The following PRKD1 variants were observed in gnomAD, a reference collection of about 807,000 sequenced individuals.
PRKD1 encodes serine/threonine-protein kinase D1.
In PRKD1, 63 loss-of-function variants were observed where a neutral mutation model predicts 95.9. That is an observed-to-expected ratio of 0.66 (90% CI 0.54 to 0.81). The LOEUF (loss-of-function observed/expected upper bound fraction) is 0.81. PRKD1 is among the 30% of genes least tolerant of loss of function. The pLI is 0.00. For synonymous variants in PRKD1, 425 were observed against 423.1 expected (o/e 1.00, Z -0.05); for missense variants, 1,048 against 1,165.3 (o/e 0.90, Z 1.47).
chr14:29,879,077 C>A (rs544677518), intron 1 of PRKD1, among the ~76,000 whole-genome samples: 26 of 152,268 alleles, frequency 1.7e-4, no homozygotes, highest in African/African-American at 6.3e-4. Flanking sequence ...TCTAGCTCAG[C>A]ACCCACCTTC....
intron 2 of PRKD1, among the ~76,000 whole-genome samples, chr14:29,683,389 G>A (rs931993419): frequency 2.0e-5 from 3 of 152,178 alleles, no homozygotes; most frequent in East Asian, 1.9e-4. Flanking sequence ...GGAATGATGG[G>A]TTCTGTTCTA....
chr14:29,751,993 C>T (rs1481162262), intron 1 of PRKD1, among the ~76,000 whole-genome samples: 9 of 152,138 alleles, frequency 5.9e-5, no homozygotes, highest in Non-Finnish European at 1.2e-4. Flanking sequence ...CACTTATGAA[C>T]ATTTGAAGTT....
intron 1 of PRKD1, among the ~76,000 whole-genome samples, chr14:29,746,595 C>T (rs186995255): frequency 1.9e-3 from 289 of 151,966 alleles, no homozygotes; most frequent in Admixed American, 3.1e-3. Context: ...ACTTGGGGAG[C>T]GACTGTGTGT....
chr14:29,722,119 A>G (rs1329540075), intron 2 of PRKD1, among the ~76,000 whole-genome samples: 1 of 152,206 alleles, frequency 6.6e-6, no homozygotes, highest in Non-Finnish European at 1.5e-5. Context: ...GTCCTGTGTC[A>G]GAAAATGTTC....
At chr14:29,924,181 T>C (rs1895218936) in intron 1 of PRKD1, among the ~76,000 whole-genome samples, 1 of 152,174 alleles carries the variant, frequency 6.6e-6, no homozygotes, top group African/African-American at 2.4e-5. Flanking sequence ...TATATAGCCA[T>C]ACATTGTTAC....
At position 29,872,109 on chromosome 14, in the gene PRKD1, T is replaced by C. The variant is rs1349565571; in HGVS notation, c.264+55140A>G. Among the ~76,000 whole-genome samples the C allele has an allele frequency of 1.3e-5, 2 of 152,172 alleles. 1 individual carries two copies. Among genetic ancestry groups the C allele is most frequent in the East Asian group, 3.9e-4 (2 of 5,190 alleles). On this transcript the variant is annotated intron_variant, in intron 1 of 17. Coordinates refer to ENST00000331968, the MANE Select transcript of PRKD1 (RefSeq NM_002742.3). The stretch of plus-strand genomic sequence containing the variant: ...TTTATATGCCTGGAACTGAGCTATA[T>C]AATCACCTCTGCTAAACTGTTAGAT...
chr14:29,600,002 C>T (rs1270699782), intron 13 of PRKD1, among the ~76,000 whole-genome samples, 185 bp from the exon 14 acceptor site: 3 of 152,162 alleles, frequency 2.0e-5, no homozygotes, highest in Non-Finnish European at 4.4e-5. Flanking sequence ...CCAAAAAATA[C>T]ATCTTTACTT....
chr14:29,737,426 T>G (rs1054446436), intron 1 of PRKD1, among the ~76,000 whole-genome samples: 1 of 151,470 alleles, frequency 6.6e-6, no homozygotes, highest in African/African-American at 2.4e-5. Flanking sequence ...ATTAAATTAT[T>G]CTGGTCAATA....
At chr14:29,653,261 T>C (rs927697416) in intron 4 of PRKD1, among the ~76,000 whole-genome samples, 1 of 152,212 alleles carries the variant, frequency 6.6e-6, no homozygotes, top group African/African-American at 2.4e-5. Context: ...GCTTTTAGAA[T>C]GAGCGATTTA....
At chr14:29,748,037 C>A (rs984479127) in intron 1 of PRKD1, among the ~76,000 whole-genome samples, 2 of 152,188 alleles carry the variant, frequency 1.3e-5, no homozygotes, top group East Asian at 1.9e-4. Flanking sequence ...AGCCACCACG[C>A]CCGGCCAAAA....
chr14:29,834,731 A>G (rs1482764067), intron 1 of PRKD1, among the ~76,000 whole-genome samples: 2 of 152,168 alleles, frequency 1.3e-5, no homozygotes, highest in East Asian at 1.9e-4. Flanking sequence ...CCTGTTAGGC[A>G]CTACGGTAAG....
At chr14:29,827,705 A>T (rs931325493) in intron 1 of PRKD1, among the ~76,000 whole-genome samples, 1 of 152,208 alleles carries the variant, frequency 6.6e-6, no homozygotes, top group Admixed American at 6.5e-5. Context: ...CCATAAGAAA[A>T]GTGTTTACAC....
At chr14:29,755,204 T>C (rs1256354144) in intron 1 of PRKD1, among the ~76,000 whole-genome samples, 1 of 152,178 alleles carries the variant, frequency 6.6e-6, no homozygotes, top group Non-Finnish European at 1.5e-5. Context: ...CAGGTGGTCA[T>C]TTCATCTGCA....
At chr14:29,871,023 A>C (rs1893086949) in intron 1 of PRKD1, among the ~76,000 whole-genome samples, 1 of 152,234 alleles carries the variant, frequency 6.6e-6, no homozygotes, top group Non-Finnish European at 1.5e-5. Flanking sequence ...GCTAATATTC[A>C]TACTAATGCA....
intron 2 of PRKD1, among the ~76,000 whole-genome samples, chr14:29,691,651 TGG>T (rs1884245257): frequency 6.6e-6 from 1 of 152,160 alleles, no homozygotes; most frequent in Non-Finnish European, 1.5e-5. Flanking sequence ...GTAATCAGGT[TGG>T]TGCAAAAGTA....
chr14:29,863,281 T>C (rs1217602344), intron 1 of PRKD1, among the ~76,000 whole-genome samples: 1 of 152,174 alleles, frequency 6.6e-6, no homozygotes. Flanking sequence ...ATAAGGTAGG[T>C]ACATATTATT....
At chr14:29,894,369 A>G (rs1376958480) in intron 1 of PRKD1, among the ~76,000 whole-genome samples, 1 of 152,236 alleles carries the variant, frequency 6.6e-6, no homozygotes, top group African/African-American at 2.4e-5. Context: ...TTCTAGATGC[A>G]AGGGGAAGTA....
chr14:29,663,588 C>A, intron 4 of PRKD1, 111 bp downstream of exon 4: 2 of 1,232,526 alleles, frequency 1.6e-6, no homozygotes, highest in South Asian at 1.4e-5. Flanking sequence ...CTGTCATTAA[C>A]ACCCTGGCTG....
At chr14:29,896,049 T>C (rs945007) in intron 1 of PRKD1, among the ~76,000 whole-genome samples, 3,117 of 152,334 alleles carry the variant, frequency 0.02, 89 homozygotes, top group African/African-American at 0.067. Context: ...TACATCTATG[T>C]GCCTAGAATA....
Sources: gnomAD v4.1 joint callset for allele counts (sites outside exome capture counted in the v4.1 genomes callset) on GRCh38, gnomAD v4.1.1 for gene constraint, MANE v1.5 for transcripts, NCBI Gene and HGNC (gene_info 2026-07-23, HGNC 2026-07-21) for gene names.